The following EYA1 variants were observed in gnomAD, a reference collection of about 807,000 sequenced individuals.
EYA1 encodes the protein EYA transcriptional coactivator and phosphatase 1.
EYA1 carries 16 observed loss-of-function variants against 82.0 expected under a neutral mutation model. The observed-to-expected ratio is 0.20, with a 90% CI of 0.13 to 0.30. The LOEUF (loss-of-function observed/expected upper bound fraction) is 0.30. Among genes scored for constraint, EYA1 ranks in the 10% least tolerant of loss-of-function variants. The probability of loss-of-function intolerance (pLI) is 1.00; values close to 1 mark genes in which losing one functional copy is unlikely to be tolerated. For missense variants in EYA1, 633 were observed against 730.7 expected (o/e 0.87, Z 1.54); for synonymous variants, 261 against 264.4 (o/e 0.99, Z 0.12).
intron 3 of EYA1, among the ~76,000 whole-genome samples, chr8:71,346,148 A>G (rs1825680311): frequency 6.6e-6 from 1 of 152,080 alleles, no homozygotes; most frequent in Middle Eastern, 3.2e-3. Context: ...ACTCAGGTTA[A>G]GCATCACCAG....
chr8:71,249,186 T>C (rs1050452918), intron 11 of EYA1, among the ~76,000 whole-genome samples: 5 of 152,152 alleles, frequency 3.3e-5, no homozygotes, highest in African/African-American at 1.2e-4. Flanking sequence ...CTTCTTGACA[T>C]TTCTCCTCTA....
intron 2 of EYA1, among the ~76,000 whole-genome samples, chr8:71,504,652 T>A (rs554473013): frequency 6.6e-6 from 1 of 152,308 alleles, no homozygotes; most frequent in South Asian, 2.1e-4. Context: ...TCACCTGGGA[T>A]GCTTATTAAT....
chr8:71,511,704 C>T (rs887465615), intron 2 of EYA1, among the ~76,000 whole-genome samples: 52 of 152,140 alleles, frequency 3.4e-4, no homozygotes, highest in African/African-American at 1.2e-3. Context: ...AAGCTCCACG[C>T]CTTATGCTAT....
intron 3 of EYA1, among the ~76,000 whole-genome samples, chr8:71,336,715 G>A (rs977964123): frequency 1.3e-5 from 2 of 152,124 alleles, no homozygotes; most frequent in African/African-American, 4.8e-5. Flanking sequence ...TTTCACCATT[G>A]TTCAAACATA....
chr8:71,355,616 A>C (rs971411050), intron 2 of EYA1, among the ~76,000 whole-genome samples: 5 of 152,202 alleles, frequency 3.3e-5, no homozygotes, highest in Non-Finnish European at 7.3e-5. Flanking sequence ...TAAGGCCAAC[A>C]TACAGTGGGT....
intron 1 of EYA1, among the ~76,000 whole-genome samples, chr8:71,546,599 T>G (rs1815614995): frequency 6.6e-6 from 1 of 151,900 alleles, no homozygotes; most frequent in African/African-American, 2.4e-5. Flanking sequence ...CCTCCCTGGT[T>G]CAGACAATTC....
intron 2 of EYA1, among the ~76,000 whole-genome samples, chr8:71,450,865 A>C (rs1245345413): frequency 6.6e-6 from 1 of 152,250 alleles, no homozygotes; most frequent in East Asian, 1.9e-4. Flanking sequence ...CATGGGCTAA[A>C]ATGGAATTAC....
upstream of EYA1, among the ~76,000 whole-genome samples, chr8:71,363,069 C>T (rs1272794372): frequency 6.6e-6 from 1 of 152,054 alleles, no homozygotes; most frequent in Admixed American, 6.5e-5. Context: ...AATCTTTAAG[C>T]CCATCGGATT....
At chr8:71,290,224 T>A (rs1443525081) in intron 9 of EYA1, among the ~76,000 whole-genome samples, 1 of 152,190 alleles carries the variant, frequency 6.6e-6, no homozygotes, top group Non-Finnish European at 1.5e-5. Flanking sequence ...AACGATGAAA[T>A]CGCAATTAAA....
At chr8:71,410,023 A>C (rs1463483341) in intron 2 of EYA1, among the ~76,000 whole-genome samples, 1 of 151,926 alleles carries the variant, frequency 6.6e-6, no homozygotes, top group Non-Finnish European at 1.5e-5. Context: ...AAGCTTATCC[A>C]CCATGATCAA....
chr8:71,530,185 C>T (rs1186526467), intron 2 of EYA1, among the ~76,000 whole-genome samples: 1 of 152,094 alleles, frequency 6.6e-6, no homozygotes, highest in African/African-American at 2.4e-5. Context: ...GAAGGAGGGG[C>T]ACAGATGTAA....
chr8:71,447,590 T>G lies in EYA1; in HGVS notation c.33+88154A>C, dbSNP rs187397420. ...TTGATAATTCATTGCCACTGAATGC[T>G]AATACAGGCATATTTCAGAAATAGT... On this transcript the variant is annotated intron_variant, in intron 2 of 18. Coordinates refer to the EYA1 transcript ENST00000643681. Among the ~76,000 whole-genome samples, 45 of 152,338 alleles carry G rather than the reference T, an allele frequency of 3.0e-4. 1 individual carries two copies. The highest frequency in any genetic ancestry group is 5.0e-4 in the Non-Finnish European group (34 of 68,036).
At chr8:71,402,156 C>T (rs981407788) in intron 2 of EYA1, among the ~76,000 whole-genome samples, 1 of 152,182 alleles carries the variant, frequency 6.6e-6, no homozygotes, top group African/African-American at 2.4e-5. Context: ...GAACCAGATG[C>T]ACCAAATGGG....
At chr8:71,454,266 T>C (rs1385324624) in intron 2 of EYA1, among the ~76,000 whole-genome samples, 1 of 152,192 alleles carries the variant, frequency 6.6e-6, no homozygotes, top group African/African-American at 2.4e-5. Context: ...CCCAGATTCA[T>C]AAAGCAAGCT....
Position 71,326,551 on chromosome 8 carries a change from G to A in EYA1, c.203-4283C>T, listed in dbSNP as rs140490955. ...GCAATCCATCCATGCCATGCAGGGCGGGGGTGAGGGGACACTTTCAAAGGG... is the reference window on the plus strand; with the variant it reads ...GCAATCCATCCATGCCATGCAGGGCAGGGGTGAGGGGACACTTTCAAAGGG... On this transcript the variant is annotated intron_variant, in intron 4 of 17. Transcript: ENST00000340726. Among the ~76,000 whole-genome samples, 668 of 152,266 alleles carry A rather than the reference G, an allele frequency of 4.4e-3. 7 individuals are homozygous for A. Among genetic ancestry groups the A allele is most frequent in the Non-Finnish European group, 4.8e-3 (324 of 68,020 alleles).
chr8:71,443,818 T>C (rs1176241445), intron 2 of EYA1, among the ~76,000 whole-genome samples: 2 of 152,238 alleles, frequency 1.3e-5, no homozygotes, highest in African/African-American at 4.8e-5. Flanking sequence ...TATCTTAACA[T>C]GTAATTTAAG....
intron 2 of EYA1, among the ~76,000 whole-genome samples, chr8:71,525,167 C>G (rs1813714389): frequency 6.6e-6 from 1 of 152,144 alleles, no homozygotes; most frequent in Non-Finnish European, 1.5e-5. Flanking sequence ...GTCAGGGCTC[C>G]AACACAAGCG....
intron 2 of EYA1, among the ~76,000 whole-genome samples, chr8:71,514,778 G>A (rs1039984295): frequency 1.9e-4 from 29 of 152,198 alleles, no homozygotes; most frequent in Admixed American, 1.6e-3. Context: ...TTGCGATTTG[G>A]GTGGGTACAC....
chr8:71,440,759 C>T (rs146422933), intron 2 of EYA1, among the ~76,000 whole-genome samples: 6 of 152,198 alleles, frequency 3.9e-5, no homozygotes, highest in Middle Eastern at 3.4e-3. Flanking sequence ...GGGGTTTTAA[C>T]TTGCAGCTAA....
Sources: allele counts gnomAD v4.1 joint callset (sites outside exome capture counted in the v4.1 genomes callset), GRCh38; gene constraint gnomAD v4.1.1; transcripts MANE v1.5; gene names NCBI Gene and HGNC (gene_info 2026-07-23, HGNC 2026-07-21).